Variants in SMAP2 observed in about 807,000 individuals in gnomAD.
SMAP2 encodes stromal membrane-associated protein 2.
Under a neutral mutation model 56.4 loss-of-function variants are expected in SMAP2, and 25 were observed. The observed-to-expected ratio is 0.44, with a 90% CI of 0.32 to 0.62. The LOEUF (loss-of-function observed/expected upper bound fraction) is 0.62, where lower values mean the gene tolerates loss of function less well. Ranked by LOEUF, SMAP2 falls within the 20% of genes least tolerant of loss-of-function variation. The probability of loss-of-function intolerance (pLI) is 0.04; values close to 1 mark genes in which losing one functional copy is unlikely to be tolerated. For missense variants in SMAP2, 388 were observed against 545.6 expected, an observed-to-expected ratio of 0.71 and a Z score of 2.88; for synonymous variants, 157 against 181.7, an observed-to-expected ratio of 0.86 and a Z score of 1.09.
intron 2 of SMAP2, among the ~76,000 whole-genome samples, chr1:40,365,819 C>A (rs1006843030): frequency 5.3e-5 from 8 of 151,892 alleles, no homozygotes; most frequent in Admixed American, 6.6e-5. Context: ...AGGAACGCAG[C>A]TCCTCACCAG....
At chr1:40,404,035 T>C (rs1644861792) in intron 1 of SMAP2, among the ~76,000 whole-genome samples, 3 of 152,114 alleles carry the variant, frequency 2.0e-5, no homozygotes, top group African/African-American at 7.2e-5. Flanking sequence ...GAGTTTGAGG[T>C]TACAGTGAAC....
chr1:40,418,606 T>C (rs1294577618), intron 9 of SMAP2, among the ~76,000 whole-genome samples: 1 of 152,178 alleles, frequency 6.6e-6, no homozygotes, highest in Non-Finnish European at 1.5e-5. Flanking sequence ...ATCTACAGAC[T>C]TTAAAGAACA....
chr1:40,374,182 T>C lies in SMAP2; in HGVS notation c.62T>C (p.Leu21Pro). 6.2e-7 allele frequency: 1 copy of C among 1,613,698 alleles called. No homozygotes were observed. Among genetic ancestry groups the C allele is most frequent in the South Asian group, 1.1e-5 (1 of 90,966 alleles). Residue 21 changes from leucine (L) to proline (P), a missense_variant, in exon 1 of 10, where the codon CTG becomes CCG. Coordinates refer to ENST00000372718, the MANE Select transcript of SMAP2 (RefSeq NM_022733.3). This position sits in a 1 kb window ranked among gnomAD's most constrained non-coding sequence, Gnocchi z 5.9. The part of the protein sequence containing the change: ...RYQAVLANLL[L>P]EEDNKFCADC... Reference sequence around the variant, plus strand: ...CAGGCTGTCCTGGCCAACCTGCTGCTGGAGGAGGATAACAAGTTTTGTGCA... The same window carrying C: ...CAGGCTGTCCTGGCCAACCTGCTGCCGGAGGAGGATAACAAGTTTTGTGCA...
chr1:40,414,861 C>T (rs1231716802), intron 6 of SMAP2, among the ~76,000 whole-genome samples: 2 of 152,250 alleles, frequency 1.3e-5, no homozygotes, highest in East Asian at 3.8e-4. Context: ...TTTCACAGCA[C>T]TGATGGTTGC....
intron 9 of SMAP2, among the ~76,000 whole-genome samples, chr1:40,421,434 C>A (rs1001316320): frequency 6.6e-5 from 10 of 152,090 alleles, no homozygotes; most frequent in Non-Finnish European, 8.8e-5. Context: ...TTCTTATACA[C>A]TGAAGACACA....
intron 5 of SMAP2, 89 bp from the exon 6 acceptor site, chr1:40,414,070 C>A: frequency 8.8e-7 from 1 of 1,136,512 alleles, no homozygotes; most frequent in Non-Finnish European, 1.3e-6. Context: ...GCAGCCCTAC[C>A]CACAAGAACA....
At chr1:40,358,041 A>G (rs1333847080) in intron 1 of SMAP2, among the ~76,000 whole-genome samples, 2 of 151,630 alleles carry the variant, frequency 1.3e-5, no homozygotes, top group Admixed American at 6.6e-5. Flanking sequence ...TTTTAACAAT[A>G]TTTATTCTTC....
At position 40,422,521 on chromosome 1, in the gene SMAP2, T is replaced by C. The variant is rs1645053474; in HGVS notation, c.*420T>C. The C allele has an allele frequency of 6.0e-6, 1 of 167,674 alleles. No individual in the cohort carries two copies. The highest frequency in any genetic ancestry group is 1.5e-4 in the South Asian group (1 of 6,692). The allele number at this position is 167,674 out of a possible 1,614,324, so 10.4% of individuals were successfully genotyped here. On this transcript the variant is annotated 3_prime_UTR_variant, in exon 10 of 10. Coordinates refer to ENST00000372718, the MANE Select transcript of SMAP2 (RefSeq NM_022733.3). ...CTTCTATATGTGTTAATAAGCTGTT[T>C]CTAAGTGTTTAAATTTGAAAAGCAT...
chr1:40,355,083 G>A (rs1412827375), intron 1 of SMAP2, among the ~76,000 whole-genome samples: 1 of 151,922 alleles, frequency 6.6e-6, no homozygotes, highest in East Asian at 1.9e-4. Flanking sequence ...TGAGGCCTGA[G>A]GTGCACCTGG....
At chr1:40,355,365 C>A (rs1644430839) in intron 1 of SMAP2, among the ~76,000 whole-genome samples, 1 of 152,058 alleles carries the variant, frequency 6.6e-6, no homozygotes, top group African/African-American at 2.4e-5. Context: ...TATCACTATA[C>A]TATTATACTT....
At chr1:40,388,415 A>G (rs1644682716) in intron 1 of SMAP2, among the ~76,000 whole-genome samples, 1 of 152,152 alleles carries the variant, frequency 6.6e-6, no homozygotes, top group Admixed American at 6.5e-5. Context: ...AAACACACCA[A>G]TCAGCACCCT....
intron 1 of SMAP2, among the ~76,000 whole-genome samples, chr1:40,353,695 C>T (rs1038490704): frequency 5.3e-5 from 8 of 152,118 alleles, no homozygotes; most frequent in African/African-American, 1.9e-4. Flanking sequence ...CTGCTGAGCC[C>T]TATCCTCAGA....
intron 5 of SMAP2, among the ~76,000 whole-genome samples, chr1:40,413,546 AACAG>A (rs1202821445): frequency 6.6e-6 from 1 of 152,182 alleles, no homozygotes; most frequent in African/African-American, 2.4e-5. Context: ...GTCATGTTGA[AACAG>A]ACACCCTTCT....
chr1:40,367,851 T>A, intron 2 of SMAP2, among the ~76,000 whole-genome samples: 1 of 117,316 alleles, frequency 8.5e-6, no homozygotes, highest in Non-Finnish European at 1.7e-5. Context: ...ATAACTAAAA[T>A]CAGAGCAGAA....
intron 1 of SMAP2, among the ~76,000 whole-genome samples, chr1:40,387,795 C>T (rs921628820): frequency 3.0e-4 from 46 of 151,650 alleles, no homozygotes; most frequent in African/African-American, 1.0e-3. Context: ...CTGTGGGAGC[C>T]CCTTCCTGGG....
intron 1 of SMAP2, among the ~76,000 whole-genome samples, chr1:40,400,216 A>G (rs1192980944): frequency 6.6e-6 from 1 of 152,204 alleles, no homozygotes; most frequent in East Asian, 1.9e-4. Flanking sequence ...TCCCTTGAGG[A>G]AATGAAAGAA....
chr1:40,419,442 G>A (rs556490559), intron 9 of SMAP2, among the ~76,000 whole-genome samples: 6 of 151,910 alleles, frequency 3.9e-5, no homozygotes, highest in Admixed American at 3.9e-4. Context: ...CACCACACCC[G>A]GTTAATTTTT....
chr1:40,375,733 T>A (rs1644534613), intron 1 of SMAP2: 1 of 958,906 alleles, frequency 1.0e-6, no homozygotes, highest in African/African-American at 1.8e-5. Flanking sequence ...TTCCCTTATG[T>A]CCTCATTTGA....
At position 40,408,632 on chromosome 1, in the gene SMAP2, C is replaced by T. The variant is rs544030864; in HGVS notation, c.238-21C>T. The T allele has an allele frequency of 5.6e-6, 9 of 1,603,838 alleles. No homozygotes were observed. In the African/African-American group the frequency reaches 1.1e-4, roughly 19 times the overall value. The stretch of plus-strand genomic sequence containing the variant: ...TTTCTTGATCTGACGTTCCATGTTT[C>T]TACATTCTCTTTGGTCACAGTGCAT... On this transcript the variant is annotated intron_variant, in intron 2 of 9. Coordinates refer to ENST00000372718, the MANE Select transcript of SMAP2 (RefSeq NM_022733.3). This position sits in a 1 kb window ranked among gnomAD's most constrained non-coding sequence, Gnocchi z 4.3.
Sources: gnomAD v4.1 joint callset for allele counts (sites outside exome capture counted in the v4.1 genomes callset) on GRCh38, gnomAD v4.1.1 for gene constraint, Gnocchi (gnomAD v3.1) non-coding constraint, MANE v1.5 for transcripts, NCBI Gene and HGNC (gene_info 2026-07-23, HGNC 2026-07-21) for gene names.